The following LRCH3 variants were observed in gnomAD, a reference collection of about 807,000 sequenced individuals.
LRCH3 encodes the protein leucine rich repeats and calponin homology domain containing 3, also known as DISP complex protein LRCH3.
A neutral mutation model predicts 104.5 loss-of-function variants in LRCH3; 68 were observed. The ratio of observed to expected loss-of-function variants is 0.65; its 90% CI spans 0.54 to 0.80. The LOEUF is 0.80. LRCH3 is among the 30% of genes least tolerant of loss of function. The pLI is 0.00. For synonymous variants in LRCH3, 344 were observed against 361.3 expected (o/e 0.95, Z 0.54); for missense variants, 951 against 953.9 (o/e 1.00, Z 0.04).
At chr3:197,842,116 G>T (rs561891998) in intron 10 of LRCH3, among the ~76,000 whole-genome samples, 38 of 152,086 alleles carry the variant, frequency 2.5e-4, no homozygotes, top group Non-Finnish European at 5.1e-4. Context: ...GGGATTACAG[G>T]TGTGAGCCAC....
intron 20 of LRCH3, among the ~76,000 whole-genome samples, chr3:197,880,206 A>G (rs1005854201): frequency 5.9e-5 from 9 of 151,942 alleles, no homozygotes; most frequent in Admixed American, 1.3e-4. Context: ...CGGCCTCCCA[A>G]AGTGCTGGGA....
At chr3:197,840,939 T>TCTCA (rs1737716508) in intron 10 of LRCH3, among the ~76,000 whole-genome samples, 1 of 152,194 alleles carries the variant, frequency 6.6e-6, no homozygotes, top group Non-Finnish European at 1.5e-5. Context: ...CTCCTGCCCC[T>TCTCA]CTCACGTCCT....
chr3:197,859,713 CTTCTT>C (rs1028453172), intron 15 of LRCH3, among the ~76,000 whole-genome samples: 2 of 151,926 alleles, frequency 1.3e-5, no homozygotes, highest in African/African-American at 4.8e-5. Flanking sequence ...GTGGTTTATA[CTTCTT>C]TTCTTTCCAG....
At chr3:197,881,745 A>G (rs891944077) in intron 20 of LRCH3, 2 of 985,308 alleles carry the variant, frequency 2.0e-6, no homozygotes, top group Non-Finnish European at 2.4e-6. Context: ...GAACTCTGTT[A>G]ACAAAATTGG....
chr3:197,806,491 C>G (rs565286816), intron 1 of LRCH3, among the ~76,000 whole-genome samples: 1 of 151,738 alleles, frequency 6.6e-6, no homozygotes, highest in South Asian at 2.1e-4. Context: ...ACAGTGCTGA[C>G]AAAAGAAAAA....
intron 12 of LRCH3, chr3:197,850,373 T>TTTTTTTTTTTTTTTTTTTTTTTTTTTTG: frequency 9.5e-7 from 1 of 1,048,382 alleles, no homozygotes; most frequent in East Asian, 2.4e-5. Flanking sequence ...TTTTTTCCTT[T>TTTTTTTTTTTTTTTTTTTTTTTTTTTTG]TAATTACATT....
intron 1 of LRCH3, among the ~76,000 whole-genome samples, chr3:197,797,649 TGAGGAGTTTGA>T (rs1731375971): frequency 1.3e-5 from 2 of 149,034 alleles, no homozygotes; most frequent in African/African-American, 4.9e-5. Flanking sequence ...TCACCTGAGG[TGAGGAGTTTGA>T]GACCAGTCTG....
At chr3:197,844,193 G>C (rs375631347) in intron 10 of LRCH3, among the ~76,000 whole-genome samples, 7 of 152,314 alleles carry the variant, frequency 4.6e-5, no homozygotes, top group East Asian at 1.9e-4. Flanking sequence ...TCTGGGATGT[G>C]AGATGAGAGT....
chr3:197,809,636 T>C (rs1249629845), intron 1 of LRCH3, among the ~76,000 whole-genome samples: 1 of 152,074 alleles, frequency 6.6e-6, no homozygotes, highest in Non-Finnish European at 1.5e-5. Context: ...GCTGGGTAAT[T>C]TCTGTTCTGT....
intron 17 of LRCH3, 27 bp from the exon 18 acceptor site, chr3:197,870,133 C>T (rs1004323150): frequency 1.9e-6 from 3 of 1,606,484 alleles, no homozygotes; most frequent in African/African-American, 1.3e-5. Context: ...AGTTGCCTTT[C>T]TGTCTTACAT....
At chr3:197,859,717 T>C (rs1740665287) in intron 15 of LRCH3, among the ~76,000 whole-genome samples, 1 of 152,218 alleles carries the variant, frequency 6.6e-6, no homozygotes, top group Non-Finnish European at 1.5e-5. Context: ...TTTATACTTC[T>C]TTTCTTTCCA....
At chr3:197,882,456 T>C in intron 20 of LRCH3, 1 of 947,922 alleles carries the variant, frequency 1.1e-6, no homozygotes, top group Non-Finnish European at 1.3e-6. Flanking sequence ...AAAATACTTG[T>C]TATATATTTT....
chr3:197,860,080 G>C (rs1740700217), intron 15 of LRCH3, among the ~76,000 whole-genome samples: 1 of 152,092 alleles, frequency 6.6e-6, no homozygotes, highest in South Asian at 2.1e-4. Context: ...TGTTGAGACA[G>C]GGTCCTGCTC....
rs149130702 is a variant in LRCH3, at chr3:197,821,529, C to G, written c.640+1099C>G. 2.1e-3 allele frequency among the ~76,000 whole-genome samples: 327 copies of G among 152,300 alleles called. 11 individuals are homozygous for G. The East Asian group carries it at 0.06, about 28-fold the overall frequency. On this transcript the variant is annotated intron_variant, in intron 4 of 20. Coordinates refer to ENST00000425562, the MANE Select transcript of LRCH3 (RefSeq NM_001365715.1). The stretch of plus-strand genomic sequence containing the variant: ...TCTCAACTGTGCTCTCATTTACTTT[C>G]CCCTGCACTATTCTCTAGATTAATT...
At chr3:197,825,763 G>C (rs902280354) in intron 4 of LRCH3, among the ~76,000 whole-genome samples, 5 of 151,990 alleles carry the variant, frequency 3.3e-5, no homozygotes, top group Admixed American at 3.3e-4. Flanking sequence ...ACAGGCTTGA[G>C]CCACCGCGCC....
intron 20 of LRCH3, chr3:197,880,707 G>T (rs770222559): frequency 1.3e-6 from 2 of 1,536,612 alleles, no homozygotes; most frequent in African/African-American, 1.4e-5. Context: ...GCTCTTCCCC[G>T]CTCGCTGAAA....
At chr3:197,841,973 C>G in intron 10 of LRCH3, among the ~76,000 whole-genome samples, 1 of 152,256 alleles carries the variant, frequency 6.6e-6, no homozygotes, top group East Asian at 1.9e-4. Context: ...GCTGCAACTT[C>G]AGGCGTGTGC....
At chr3:197,800,927 C>G (rs916716147) in intron 1 of LRCH3, among the ~76,000 whole-genome samples, 1 of 152,024 alleles carries the variant, frequency 6.6e-6, no homozygotes, top group Admixed American at 6.6e-5. Context: ...AACCCCGTCT[C>G]TACTAAAAAT....
At chr3:197,869,505 G>T (rs928299893) in intron 17 of LRCH3, among the ~76,000 whole-genome samples, 2 of 149,672 alleles carry the variant, frequency 1.3e-5, no homozygotes, top group African/African-American at 2.5e-5. Context: ...CACTGTACCT[G>T]CAGGAGGTAG....
Sources: allele counts gnomAD v4.1 joint callset (sites outside exome capture counted in the v4.1 genomes callset), GRCh38; gene constraint gnomAD v4.1.1; transcripts MANE v1.5; gene names NCBI Gene and HGNC (gene_info 2026-07-23, HGNC 2026-07-21).